The following MYH13 variants were observed in gnomAD, a reference collection of about 807,000 sequenced individuals.
MYH13 encodes the protein myosin-13.
A neutral mutation model predicts 232.1 loss-of-function variants in MYH13; 177 were observed. That is an observed-to-expected ratio of 0.76 (90% confidence interval 0.67 to 0.86). MYH13 has a LOEUF of 0.86. Among genes scored for constraint, MYH13 ranks in the 40% least tolerant of loss-of-function variants. The pLI, the probability that MYH13 is intolerant of heterozygous loss-of-function variation, is 0.00. For missense variants in MYH13, 2,246 were observed against 2,405.9 expected (o/e 0.93, Z 1.39); for synonymous variants, 884 against 923.5 (o/e 0.96, Z 0.78).
At chr17:10,317,039 G>T (rs1469209205) in intron 27 of MYH13, among the ~76,000 whole-genome samples, 1 of 152,120 alleles carries the variant, frequency 6.6e-6, no homozygotes, top group African/African-American at 2.4e-5. Context: ...ATCGTCAAAG[G>T]GGACAACTGA....
In MYH13 at chr17:10,328,034, C is replaced by T; in HGVS notation, c.2523G>A (p.Lys841=). ...CGGCCTCTGCACTCTTCAGCAGGGG[C>T]TTGATTTTGAAGAACAGGTTCATCC... ...WPWMNLFFKI[K]PLLKSAEAEK... The change falls in exon 22 of 41, where the codon AAG becomes AAA. Residue 841 remains lysine, a synonymous_variant. Transcript: ENST00000252172. The T allele has an allele frequency of 6.2e-7, 1 of 1,614,132 alleles. No individual in the cohort carries two copies. The highest frequency in any genetic ancestry group is 8.5e-7 in the Non-Finnish European group (1 of 1,180,026).
At chr17:10,349,400 T>C (rs73283820) in intron 12 of MYH13, among the ~76,000 whole-genome samples, 148 of 151,844 alleles carry the variant, frequency 9.7e-4, no homozygotes, top group African/African-American at 3.4e-3. Context: ...GTGCCCAGCC[T>C]GCTCATGACA....
chr17:10,356,253 G>A (rs1014652028), intron 8 of MYH13, among the ~76,000 whole-genome samples: 2 of 152,218 alleles, frequency 1.3e-5, no homozygotes, highest in African/African-American at 4.8e-5. Context: ...AGGCACATGT[G>A]CACTGTAAGT....
In MYH13 at chr17:10,330,540, AGGAGCCTT is replaced by A; in HGVS notation, c.2299-25_2299-18del. ...GAAAAACACCTGCATTAAAAGACAG[AGGAGCCTT>A]GATCTTTTTCCCCAGCAGGCGTTCA... On this transcript the variant is annotated intron_variant, in intron 20 of 40. Coordinates refer to ENST00000252172, the MANE Select transcript of MYH13 (RefSeq NM_003802.3). The A allele has an allele frequency of 6.3e-7, 1 of 1,594,644 alleles. No individual in the cohort carries two copies. The highest frequency in any genetic ancestry group is 8.5e-7 in the Non-Finnish European group (1 of 1,171,654).
chr17:10,320,016 A>G (rs1192342995), intron 26 of MYH13, 137 bp downstream of exon 26: 1 of 691,080 alleles, frequency 1.4e-6, no homozygotes, highest in Non-Finnish European at 2.4e-6. Context: ...TTCAAAAACT[A>G]AAGGAAATGA....
At chr17:10,329,062 C>G (rs929386541) in intron 21 of MYH13, among the ~76,000 whole-genome samples, 4 of 152,308 alleles carry the variant, frequency 2.6e-5, no homozygotes, top group Admixed American at 2.6e-4. Context: ...TTTATATTTA[C>G]ATAGCTTATG....
At position 10,315,738 on chromosome 17, in the gene MYH13, G is replaced by A. The variant is rs748595609; in HGVS notation, c.3939C>T (p.Thr1313=). The A allele has an allele frequency of 3.7e-6, 6 of 1,613,684 alleles. No individual in the cohort carries two copies. In the South Asian group the frequency reaches 5.5e-5, roughly 15 times the overall value. Residue 1313 remains threonine (T), a synonymous_variant, in exon 29 of 41, where the codon ACC becomes ACT. Coordinates refer to ENST00000252172, the MANE Select transcript of MYH13 (RefSeq NM_003802.3). Reference sequence around the variant, plus strand: ...GCCTCTTAAGCTCCTCCAGCTGCTGGGTGAGGGCCTGCTTGCTTTTGGTCA... The same window carrying A: ...GCCTCTTAAGCTCCTCCAGCTGCTGAGTGAGGGCCTGCTTGCTTTTGGTCA... ...SQLTKSKQAL[T]QQLEELKRQM... is the part of the protein sequence containing the mutation.
intron 40 of MYH13, among the ~76,000 whole-genome samples, chr17:10,301,212 G>A (rs1040041526): frequency 2.6e-5 from 4 of 152,160 alleles, no homozygotes; most frequent in East Asian, 1.9e-4. Context: ...TGACAGTGTC[G>A]TGCCTCACTG....
intron 16 of MYH13, 141 bp from the exon 17 acceptor site, chr17:10,340,542 G>A (rs2071613174): frequency 4.8e-6 from 3 of 631,196 alleles, no homozygotes; most frequent in African/African-American, 1.8e-5. Flanking sequence ...TGTTTTAGAC[G>A]GAGTGTTGCT....
intron 16 of MYH13, 87 bp downstream of exon 16, chr17:10,343,713 C>G: frequency 1.5e-6 from 2 of 1,372,960 alleles, no homozygotes; most frequent in Non-Finnish European, 9.7e-7. Context: ...AAGCTCATGT[C>G]TGATTACTGG....
chr17:10,344,202 C>T, intron 15 of MYH13, 93 bp from the exon 16 acceptor site: 1 of 1,512,818 alleles, frequency 6.6e-7, no homozygotes, highest in Non-Finnish European at 8.9e-7. Flanking sequence ...TGCTTTCACT[C>T]TGGTACCAGG....
intron 19 of MYH13, 113 bp from the exon 20 acceptor site, chr17:10,332,335 G>C: frequency 5.1e-6 from 7 of 1,368,266 alleles, no homozygotes; most frequent in Non-Finnish European, 7.2e-6. Flanking sequence ...GTGGAATACT[G>C]TACAGCTGGT....
In MYH13 at chr17:10,366,381, G is replaced by GTTTTTTTTTTTTTTTTTTTT. The variant is rs56798899; in HGVS notation, c.-12-1840_-12-1839insAAAAAAAAAAAAAAAAAAAA. On this transcript the variant is annotated intron_variant, in intron 2 of 40. Transcript: ENST00000252172. ...CATATCTCTCTTAAGAAATAAATCT[G>GTTTTTTTTTTTTTTTTTTTT]TTTTTTTTTTTTTTTTTGAGATGGA... 8.3e-4 allele frequency among the ~76,000 whole-genome samples: 93 copies of GTTTTTTTTTTTTTTTTTTTT among 112,610 alleles called. 3 individuals are homozygous for GTTTTTTTTTTTTTTTTTTTT. The highest frequency in any genetic ancestry group is 1.4e-3 in the Non-Finnish European group (75 of 53,098). The allele number at this position is 112,610 out of a possible 152,430, so 73.9% of individuals were successfully genotyped here.
intron 8 of MYH13, among the ~76,000 whole-genome samples, chr17:10,355,529 G>A (rs571715646): frequency 6.6e-6 from 1 of 152,312 alleles, no homozygotes; most frequent in South Asian, 2.1e-4. Context: ...CACTGTCATT[G>A]ATATTGGCCA....
In MYH13 at chr17:10,350,343, CT is replaced by C. The variant is rs1182478115; in HGVS notation, c.1144+212del. ...TGATTATTCATTTACAAGAATGATG[CT>C]TTTTGTTTTTCAAGAATTCACTACT... On this transcript the variant is annotated intron_variant, in intron 12 of 40. Transcript: ENST00000252172. Among the ~76,000 whole-genome samples, 10 of 152,166 alleles carry C rather than the reference CT, an allele frequency of 6.6e-5. No individual in the cohort carries two copies. In the East Asian group the frequency reaches 1.9e-3, roughly 29 times the overall value.
In MYH13 at chr17:10,350,609, A is replaced by T. The variant is rs776074283; in HGVS notation, c.1091T>A (p.Met364Lys). Reference protein sequence around the residue: ...LTGAVMHYGNMKFKQKQREEQ... With the variant: ...LTGAVMHYGNKKFKQKQREEQ... ...CTCACGCTGCTTCTGCTTGAACTTC[A>T]TGTTCCCATAATGCATCACGGCTCC... Residue 364 changes from methionine (M) to lysine (K), a missense_variant, in exon 12 of 41, where the codon ATG (methionine) becomes AAG (lysine). Coordinates refer to ENST00000252172, the MANE Select transcript of MYH13 (RefSeq NM_003802.3). 1 of 1,613,376 alleles carries T rather than the reference A, an allele frequency of 6.2e-7. No individual in the cohort carries two copies. Among genetic ancestry groups the T allele is most frequent in the Admixed American group, 1.7e-5 (1 of 59,950 alleles).
At chr17:10,361,361 A>T (rs2071791725) in intron 5 of MYH13, among the ~76,000 whole-genome samples, 1 of 148,660 alleles carries the variant, frequency 6.7e-6, no homozygotes. Flanking sequence ...GCGAGATCTC[A>T]GCTCACCGCA....
Position 10,318,699 on chromosome 17 carries a change from G to T in MYH13, c.3738+91C>A, listed in dbSNP as rs1295812313. ...AGAGGGTTTCAGTGTAGAACATGCA[G>T]TGGTTTGGAGGCATCAAATTACACG... On this transcript the variant is annotated intron_variant, in intron 27 of 40. Coordinates refer to ENST00000252172, the MANE Select transcript of MYH13 (RefSeq NM_003802.3). 3 of 1,511,238 alleles carry T rather than the reference G, an allele frequency of 2.0e-6. No homozygotes were observed. The East Asian group carries it at 6.8e-5, about 34-fold the overall frequency. The allele number at this position is 1,511,238 out of a possible 1,614,324, so 93.6% of individuals were successfully genotyped here. A position where few individuals can be genotyped will look rare whatever the true frequency, so the allele number is the denominator to read the frequency against.
At position 10,304,270 on chromosome 17, in the gene MYH13, A is replaced by G. The variant is rs749934857; in HGVS notation, c.5467-772T>C. ...ACCCCAGAACTTAAAGTTAGAACAA[A>G]AAACGATCCCCTAATGGGATTTTGC... On this transcript the variant is annotated intron_variant, in intron 37 of 40. Transcript: ENST00000252172. This position sits in a 1 kb window ranked among gnomAD's most constrained non-coding sequence, Gnocchi z 5.3. 6.6e-6 allele frequency among the ~76,000 whole-genome samples: 1 copy of G among 152,218 alleles called. No homozygotes were observed. The highest frequency in any genetic ancestry group is 1.5e-5 in the Non-Finnish European group (1 of 68,038).
Sources: gnomAD v4.1 joint callset for allele counts (sites outside exome capture counted in the v4.1 genomes callset) on GRCh38, gnomAD v4.1.1 for gene constraint, Gnocchi (gnomAD v3.1) non-coding constraint, MANE v1.5 for transcripts, NCBI Gene and HGNC (gene_info 2026-07-23, HGNC 2026-07-21) for gene names.